METTL25: variants seen among roughly 807,000 people sequenced by gnomAD.
METTL25 encodes the protein probable methyltransferase-like protein 25.
A neutral mutation model predicts 71.6 loss-of-function variants in METTL25; 64 were observed. The observed-to-expected ratio is 0.89, with a 90% CI of 0.73 to 1.10. METTL25 has a LOEUF of 1.10. Among genes scored for constraint, METTL25 ranks in the 50% least tolerant of loss-of-function variants. The pLI is 0.00. For synonymous variants in METTL25, 287 were observed against 250.3 expected (o/e 1.15, Z -1.38); for missense variants, 807 against 707.0 (o/e 1.14, Z -1.60).
intron 2 of METTL25, among the ~76,000 whole-genome samples, chr12:82,387,304 G>A (rs1373704134): frequency 6.6e-6 from 1 of 151,980 alleles, no homozygotes; most frequent in African/African-American, 2.4e-5. Flanking sequence ...TGTTCTCTAT[G>A]GGAAGAGGGT....
chr12:82,436,903 C>A (rs1414108808), intron 7 of METTL25, among the ~76,000 whole-genome samples: 2 of 151,478 alleles, frequency 1.3e-5, no homozygotes, highest in African/African-American at 2.4e-5. Context: ...TATTTAAATT[C>A]ATGCAATAGT....
intron 3 of METTL25, among the ~76,000 whole-genome samples, chr12:82,397,754 G>A (rs924967723): frequency 1.3e-5 from 2 of 151,958 alleles, no homozygotes; most frequent in Non-Finnish European, 2.9e-5. Flanking sequence ...TTATATAAGT[G>A]TGGATCTATT....
At chr12:82,418,035 A>C (rs544289050) in intron 5 of METTL25, among the ~76,000 whole-genome samples, 2 of 152,270 alleles carry the variant, frequency 1.3e-5, no homozygotes, top group East Asian at 3.9e-4. Context: ...GAAATTTCTT[A>C]GGGAACTATT....
In METTL25 at chr12:82,399,279, C is replaced by T. The variant is rs1178328661; in HGVS notation, c.1016C>T (p.Ala339Val). ...QQIPNRETSE[A>V]NKERRKMTSK... is the part of the protein sequence containing the mutation. ...ATACCCAACAGAGAAACATCTGAAG[C>T]CAATAAAGAGAGAAGAAAAATGACA... The change falls in exon 4 of 12, where the codon GCC becomes GTC. Residue 339 changes from alanine to valine, a missense_variant. By Grantham distance (64) the Ala-to-Val change is moderately conservative (BLOSUM62 0). Transcript: ENST00000248306. The T allele has an allele frequency of 2.5e-6, 4 of 1,613,546 alleles. No homozygotes were observed. The East Asian group carries it at 8.9e-5, about 36-fold the overall frequency.
intron 9 of METTL25, among the ~76,000 whole-genome samples, chr12:82,462,673 T>A (rs1465319118): frequency 6.6e-6 from 1 of 152,116 alleles, no homozygotes; most frequent in Non-Finnish European, 1.5e-5. Flanking sequence ...TTAAAAAGTT[T>A]ATCATGAAAG....
At chr12:82,400,830 CATATTT>C (rs1886560492) in intron 4 of METTL25, among the ~76,000 whole-genome samples, 3 of 152,048 alleles carry the variant, frequency 2.0e-5, no homozygotes, top group Admixed American at 1.3e-4. Context: ...ATGGTGACTA[CATATTT>C]TTGTCTCCTA....
At chr12:82,451,064 T>C (rs1279340086) in intron 8 of METTL25, among the ~76,000 whole-genome samples, 1 of 152,090 alleles carries the variant, frequency 6.6e-6, no homozygotes, top group Non-Finnish European at 1.5e-5. Flanking sequence ...CACCAAGTAA[T>C]AGAACCAAAG....
intron 5 of METTL25, among the ~76,000 whole-genome samples, chr12:82,412,624 T>A (rs1047194430): frequency 1.3e-5 from 2 of 152,178 alleles, no homozygotes; most frequent in African/African-American, 4.8e-5. Flanking sequence ...TAACTGAATT[T>A]GCTCATTTAA....
At chr12:82,419,302 T>C (rs1592690676) in intron 5 of METTL25, among the ~76,000 whole-genome samples, 1 of 152,076 alleles carries the variant, frequency 6.6e-6, no homozygotes, top group East Asian at 1.9e-4. Context: ...TTTGTGCAAA[T>C]TCAGTCAAGT....
chr12:82,416,144 T>G (rs1243350787), intron 5 of METTL25, among the ~76,000 whole-genome samples: 1 of 152,120 alleles, frequency 6.6e-6, no homozygotes, highest in Admixed American at 6.6e-5. Flanking sequence ...CATGAACATA[T>G]AATCATCGTG....
chr12:82,395,171 A>G (rs999963941), intron 3 of METTL25, among the ~76,000 whole-genome samples: 1 of 152,064 alleles, frequency 6.6e-6, no homozygotes, highest in Non-Finnish European at 1.5e-5. Context: ...TTTCTTTACC[A>G]TAGTCTTTGT....
At chr12:82,407,333 G>A (rs1226584597) in intron 5 of METTL25, among the ~76,000 whole-genome samples, 2 of 152,078 alleles carry the variant, frequency 1.3e-5, no homozygotes, top group Admixed American at 6.6e-5. Context: ...TGAAGTTGCT[G>A]TTGTTCACTG....
chr12:82,434,078 A>G (rs1046491225), intron 6 of METTL25, among the ~76,000 whole-genome samples: 1 of 151,258 alleles, frequency 6.6e-6, no homozygotes, highest in Admixed American at 6.6e-5. Flanking sequence ...AAATAAATAT[A>G]AATGCAAAAA....
intron 5 of METTL25, among the ~76,000 whole-genome samples, chr12:82,422,761 CAG>C (rs1373667115): frequency 1.3e-5 from 2 of 152,096 alleles, no homozygotes; most frequent in African/African-American, 4.8e-5. Flanking sequence ...AACAGACAAA[CAG>C]AGAGCCAAAT....
intron 9 of METTL25, among the ~76,000 whole-genome samples, chr12:82,460,407 A>G (rs181371668): frequency 6.6e-6 from 1 of 152,326 alleles, no homozygotes; most frequent in Admixed American, 6.5e-5. Flanking sequence ...AGAGCATAGT[A>G]TGTGAATGGT....
chr12:82,472,994 G>T (rs1433645899), intron 9 of METTL25, among the ~76,000 whole-genome samples: 1 of 152,124 alleles, frequency 6.6e-6, no homozygotes, highest in Non-Finnish European at 1.5e-5. Flanking sequence ...ATATGAATGA[G>T]TTTTGGGATA....
intron 5 of METTL25, among the ~76,000 whole-genome samples, chr12:82,410,307 G>T (rs1326476843): frequency 1.3e-5 from 2 of 151,966 alleles, no homozygotes; most frequent in Non-Finnish European, 2.9e-5. Context: ...TCCATTAATG[G>T]CAATGAATTA....
At chr12:82,412,512 ACAGT>A (rs1887629261) in intron 5 of METTL25, among the ~76,000 whole-genome samples, 1 of 152,082 alleles carries the variant, frequency 6.6e-6, no homozygotes, top group African/African-American at 2.4e-5. Flanking sequence ...AGAGATGCAC[ACAGT>A]CAGCTCCCTC....
rs181287356 is a variant in METTL25, at chr12:82,432,817, A to G, written c.1374+1830A>G. On this transcript the variant is annotated intron_variant, in intron 6 of 11. Coordinates refer to ENST00000248306, the MANE Select transcript of METTL25 (RefSeq NM_032230.3). ...ATCTTATTTTATTGCCTTTCGCTCC[A>G]TAACTGACATTTTTGAAAAATATTC... Among the ~76,000 whole-genome samples the G allele has an allele frequency of 2.4e-4, 36 of 149,654 alleles. No individual in the cohort carries two copies. The East Asian group carries it at 5.5e-3, about 23-fold the overall frequency.
Sources: allele counts gnomAD v4.1 joint callset (sites outside exome capture counted in the v4.1 genomes callset), GRCh38; gene constraint gnomAD v4.1.1; transcripts MANE v1.5; gene names NCBI Gene and HGNC (gene_info 2026-07-23, HGNC 2026-07-21).